The following PCDHA2 variants were observed in gnomAD, a reference collection of about 807,000 sequenced individuals.
The protein encoded by PCDHA2 is protocadherin alpha 2, also known as protocadherin alpha-2.
A neutral mutation model predicts 66.0 loss-of-function variants in PCDHA2; 58 were observed. The ratio of observed to expected loss-of-function variants is 0.88; its 90% CI spans 0.71 to 1.09. PCDHA2 has a LOEUF of 1.09. Ranked by LOEUF, PCDHA2 falls within the 50% of genes least tolerant of loss-of-function variation. The probability of loss-of-function intolerance (pLI) is 0.00; values close to 1 mark genes in which losing one functional copy is unlikely to be tolerated. For missense variants in PCDHA2, 1,267 were observed against 1,242.3 expected (o/e 1.02, Z -0.30); for synonymous variants, 634 against 554.0 (o/e 1.14, Z -2.03).
chr5:140,865,536 A>G (rs2048910301), intron 1 of PCDHA2: 1 of 152,222 alleles, frequency 6.6e-6, no homozygotes, highest in African/African-American at 2.4e-5. Flanking sequence ...CTTCATCCAT[A>G]GCTATAGGAC....
intron 1 of PCDHA2, among the ~76,000 whole-genome samples, chr5:140,855,406 C>T (rs2043455181): frequency 6.7e-6 from 1 of 149,796 alleles, no homozygotes; most frequent in Non-Finnish European, 1.5e-5. Context: ...GATGTTGAAG[C>T]TAATGATCTC....
intron 1 of PCDHA2, chr5:140,803,190 G>T (rs1763140859): frequency 2.5e-6 from 4 of 1,613,946 alleles, no homozygotes; most frequent in Non-Finnish European, 3.4e-6. Context: ...CACGGCCACT[G>T]TGCTGGTGTC....
Position 140,797,058 on chromosome 5 carries a change from G to A in PCDHA2, c.2094G>A (p.Val698=), listed in dbSNP as rs782701427. Residue 698 remains valine (V), a synonymous_variant, in exon 1 of 4, where the codon GTG becomes GTA. Coordinates refer to ENST00000526136, the MANE Select transcript of PCDHA2 (RefSeq NM_018905.3). ...GSEATLVDVN[V]YLIIAICAVS... is the part of the protein sequence containing the mutation. Reference sequence around the variant, plus strand: ...AGGCTACGCTGGTGGATGTCAACGTGTACCTGATCATCGCCATCTGCGCGG... The same window carrying A: ...AGGCTACGCTGGTGGATGTCAACGTATACCTGATCATCGCCATCTGCGCGG... 2.5e-6 allele frequency: 4 copies of A among 1,613,782 alleles called. No homozygotes were observed. The highest frequency in any genetic ancestry group is 2.2e-5 in the East Asian group (1 of 44,866).
At chr5:140,970,791 T>A (rs2096434096) in intron 1 of PCDHA2, among the ~76,000 whole-genome samples, 2 of 152,210 alleles carry the variant, frequency 1.3e-5, no homozygotes, top group South Asian at 2.1e-4. Flanking sequence ...GTATGTAATA[T>A]CCATATTGTT....
chr5:140,966,885 C>A (rs1554228854), intron 1 of PCDHA2: 1 of 1,590,816 alleles, frequency 6.3e-7, no homozygotes, highest in Admixed American at 1.7e-5. Flanking sequence ...CCTGGCCCTG[C>A]GGCCTCCCAG....
Position 141,009,659 on chromosome 5 carries a change from G to A in PCDHA2, c.2569G>A (p.Gly857Ser), listed in dbSNP as rs781996586. 3.0e-5 allele frequency: 48 copies of A among 1,613,808 alleles called. No individual in the cohort carries two copies. Among genetic ancestry groups the A allele is most frequent in the East Asian group, 4.5e-5 (2 of 44,878 alleles). The change falls in exon 4 of 4, where the codon GGT becomes AGT. Residue 857 changes from glycine (G) to serine (S), a missense_variant. Coordinates refer to ENST00000526136, the MANE Select transcript of PCDHA2 (RefSeq NM_018905.3). ...GGCAGGAGAAGTGTCCCCTCCAGTC[G>A]GTGCGGGTGTCAACAGCAACAGCTG... is the stretch of plus-strand genomic sequence containing the variant. ...PEAGEVSPPV[G>S]AGVNSNSWTF...
At chr5:140,883,662 A>G (rs371713279) in intron 1 of PCDHA2, 3 of 1,613,586 alleles carry the variant, frequency 1.9e-6, no homozygotes, top group Non-Finnish European at 2.5e-6. Context: ...GTGTTCGTGA[A>G]GGAAAACAAT....
At chr5:140,809,015 G>C in intron 1 of PCDHA2, 1 of 1,613,710 alleles carries the variant, frequency 6.2e-7, no homozygotes, top group Non-Finnish European at 8.5e-7. Flanking sequence ...GCTTTCGTAC[G>C]AGCTGCAGCC....
chr5:140,877,767 C>T, intron 1 of PCDHA2: 1 of 1,614,166 alleles, frequency 6.2e-7, no homozygotes, highest in Non-Finnish European at 8.5e-7. Context: ...AGAGCCCGCC[C>T]AAGACGGACC....
chr5:140,807,245 C>G, intron 1 of PCDHA2: 7 of 1,614,044 alleles, frequency 4.3e-6, no homozygotes, highest in Non-Finnish European at 5.9e-6. Flanking sequence ...CTTACTTCTT[C>G]TCCTCGCAGC....
In PCDHA2 at chr5:140,801,222, C is replaced by G. The variant is rs781901922; in HGVS notation, c.2388+3870C>G. 4 of 1,610,178 alleles carry G rather than the reference C, an allele frequency of 2.5e-6. No homozygotes were observed. In the African/African-American group the frequency reaches 5.3e-5, roughly 22 times the overall value. ...AATGTTGTTCTCCTGGCGAGAAGAT[C>G]CTGGAGCCCAGTGCCTGCTGCTTTC... On this transcript the variant is annotated intron_variant, in intron 1 of 3. Transcript: ENST00000526136.
chr5:140,834,770 C>G lies in PCDHA2; in HGVS notation c.2388+37418C>G, dbSNP rs781912893. 4 of 1,613,922 alleles carry G rather than the reference C, an allele frequency of 2.5e-6. No homozygotes were observed. Among genetic ancestry groups the G allele is most frequent in the African/African-American group, 1.3e-5 (1 of 74,870 alleles). On this transcript the variant is annotated intron_variant, in intron 1 of 3. Transcript: ENST00000526136. ...TGGAGGTGAAGGACATTAACGACAACCCTCCGGTGTTCCCAGCGACACAAA... is the reference window on the plus strand; with the variant it reads ...TGGAGGTGAAGGACATTAACGACAAGCCTCCGGTGTTCCCAGCGACACAAA...
At chr5:140,828,092 A>T in intron 1 of PCDHA2, 2 of 1,598,744 alleles carry the variant, frequency 1.3e-6, no homozygotes, top group Non-Finnish European at 1.7e-6. Flanking sequence ...GGTATTTGAC[A>T]TGGTGTTTAC....
intron 1 of PCDHA2, among the ~76,000 whole-genome samples, chr5:140,886,340 G>A (rs2060950327): frequency 6.6e-6 from 1 of 151,864 alleles, no homozygotes; most frequent in East Asian, 1.9e-4. Flanking sequence ...TGTGCAGAAC[G>A]TGCAGGTTTG....
At chr5:140,928,809 GGACCATGGA>G (rs1563109708) in intron 1 of PCDHA2, 1 of 1,614,078 alleles carries the variant, frequency 6.2e-7, no homozygotes, top group Non-Finnish European at 8.5e-7. Flanking sequence ...TAGTGGTTCG[GGACCATGGA>G]GACCCACCAC....
intron 1 of PCDHA2, chr5:140,927,194 T>C (rs2083959275): frequency 1.2e-6 from 2 of 1,614,122 alleles, no homozygotes; most frequent in Non-Finnish European, 1.7e-6. Context: ...GACCTGGTGC[T>C]CGAGGACCCG....
chr5:140,835,773 G>A (rs1554135255), intron 1 of PCDHA2: 5 of 1,613,392 alleles, frequency 3.1e-6, no homozygotes, highest in Admixed American at 3.3e-5. Flanking sequence ...TACGGTGTTC[G>A]TGAAGGAGAA....
intron 1 of PCDHA2, chr5:140,814,842 T>C (rs148229607): frequency 9.2e-5 from 14 of 152,232 alleles, no homozygotes; most frequent in Admixed American, 3.9e-4. Flanking sequence ...TTTCTGTGAA[T>C]GTTTGCCTCA....
intron 1 of PCDHA2, among the ~76,000 whole-genome samples, chr5:140,846,139 A>G (rs1196969415): frequency 6.7e-6 from 1 of 149,708 alleles, no homozygotes; most frequent in Non-Finnish European, 1.5e-5. Flanking sequence ...TGTTTCCCAT[A>G]TTTAAAAGTT....
Sources: allele counts gnomAD v4.1 joint callset (sites outside exome capture counted in the v4.1 genomes callset), GRCh38; gene constraint gnomAD v4.1.1; transcripts MANE v1.5; gene names NCBI Gene and HGNC (gene_info 2026-07-23, HGNC 2026-07-21).